The following CSGALNACT1 variants were observed in gnomAD, a reference collection of about 807,000 sequenced individuals.
CSGALNACT1 encodes chondroitin sulfate N-acetylgalactosaminyltransferase 1, also known as beta4GalNAcT-1.
In CSGALNACT1, 52 loss-of-function variants were observed where a neutral mutation model predicts 51.0. The ratio of observed to expected loss-of-function variants is 1.02; its 90% confidence interval spans 0.82 to 1.29. The LOEUF (loss-of-function observed/expected upper bound fraction) is 1.29, where lower values mean the gene tolerates loss of function less well. Among genes scored for constraint, CSGALNACT1 ranks in the 50% most tolerant of loss-of-function variants. The probability of loss-of-function intolerance (pLI) is 0.00; values close to 1 mark genes in which losing one functional copy is unlikely to be tolerated. For synonymous variants in CSGALNACT1, 341 were observed against 254.4 expected, an observed-to-expected ratio of 1.34 and a Z score of -3.24; for missense variants, 935 against 679.2, an observed-to-expected ratio of 1.38 and a Z score of -4.19.
At chr8:19,529,883 A>G (rs141180924) in intron 3 of CSGALNACT1, among the ~76,000 whole-genome samples, 1 of 152,276 alleles carries the variant, frequency 6.6e-6, no homozygotes, top group African/African-American at 2.4e-5. Flanking sequence ...CTATTGTACT[A>G]TTATTTGTAT....
exon 10 of CSGALNACT1, chr8:19,404,650 G>T: frequency 2.2e-6 from 1 of 450,860 alleles, no homozygotes; most frequent in Non-Finnish European, 4.4e-6. Flanking sequence ...TCTTATGGAA[G>T]CCAGAAGCCA....
Position 19,655,465 on chromosome 8 carries a change from A to G in CSGALNACT1, c.-544+27008T>C, listed in dbSNP as rs1300705789. 2.0e-5 allele frequency among the ~76,000 whole-genome samples: 3 copies of G among 152,044 alleles called. No individual in the cohort carries two copies. The East Asian group carries it at 5.8e-4, about 29-fold the overall frequency. The stretch of plus-strand genomic sequence containing the variant: ...AGCCTTGACCTCCTTGGCTCAATCA[A>G]TCCTCCCATCTCAGCCTCCCAAGTA... On this transcript the variant is annotated intron_variant, in intron 1 of 9. Transcript: ENST00000332246.
chr8:19,620,150 T>C (rs1443362147), intron 1 of CSGALNACT1, among the ~76,000 whole-genome samples: 1 of 151,602 alleles, frequency 6.6e-6, no homozygotes. Context: ...CCGTCTCTAC[T>C]AAAAATACAA....
chr8:19,560,301 T>G (rs2040410629), intron 3 of CSGALNACT1, among the ~76,000 whole-genome samples: 1 of 152,214 alleles, frequency 6.6e-6, no homozygotes, highest in African/African-American at 2.4e-5. Context: ...AAAATTTAAT[T>G]TATAAAATAT....
intron 3 of CSGALNACT1, among the ~76,000 whole-genome samples, chr8:19,575,274 C>T (rs2043938984): frequency 1.3e-5 from 2 of 152,200 alleles, no homozygotes; most frequent in Admixed American, 6.5e-5. Context: ...CTGGTTGTCG[C>T]CTTTTCCTCC....
chr8:19,428,710 A>G (rs2059164259), intron 6 of CSGALNACT1, among the ~76,000 whole-genome samples: 2 of 152,094 alleles, frequency 1.3e-5, no homozygotes, highest in East Asian at 1.9e-4. Flanking sequence ...AAACTACTAT[A>G]CAGCAGCACG....
intron 8 of CSGALNACT1, 49 bp downstream of exon 7, chr8:19,418,607 C>A (rs376456531): frequency 1.6e-6 from 2 of 1,223,144 alleles, no homozygotes; most frequent in Non-Finnish European, 2.4e-6. Context: ...CTGGTAATGA[C>A]AGACACTAAA....
intron 3 of CSGALNACT1, among the ~76,000 whole-genome samples, chr8:19,557,886 G>A (rs995237568): frequency 5.3e-5 from 8 of 152,170 alleles, no homozygotes; most frequent in African/African-American, 4.8e-5. Flanking sequence ...CTCACACGTG[G>A]TAGCTTTTCA....
chr8:19,534,723 G>T (rs191837317), intron 3 of CSGALNACT1, among the ~76,000 whole-genome samples: 308 of 152,208 alleles, frequency 2.0e-3, no homozygotes, highest in Non-Finnish European at 3.2e-3. Flanking sequence ...TCTCACACAC[G>T]TCTAAAATGC....
intron 1 of CSGALNACT1, among the ~76,000 whole-genome samples, chr8:19,682,183 G>A (rs1290595189): frequency 6.6e-6 from 1 of 152,096 alleles, no homozygotes; most frequent in Non-Finnish European, 1.5e-5. Flanking sequence ...GCTTGACTTA[G>A]AACTTGGAAA....
exon 4 of CSGALNACT1, chr8:19,505,470 G>T (rs749764372): frequency 2.5e-6 from 4 of 1,614,172 alleles, no homozygotes; most frequent in East Asian, 4.5e-5. Flanking sequence ...GTGCAGGAAG[G>T]CCAGGAGGTC....
intron 1 of CSGALNACT1, among the ~76,000 whole-genome samples, chr8:19,745,327 T>G (rs751076618): frequency 7.2e-5 from 11 of 152,208 alleles, no homozygotes; most frequent in Non-Finnish European, 1.5e-4. Flanking sequence ...TATCTCTCTT[T>G]GGGTACATAC....
intron 3 of CSGALNACT1, among the ~76,000 whole-genome samples, chr8:19,569,564 A>G (rs961837620): frequency 6.6e-6 from 1 of 152,066 alleles, no homozygotes; most frequent in African/African-American, 2.4e-5. Flanking sequence ...TTTTTTTAGC[A>G]TTACGAGTTG....
At chr8:19,468,185 A>G (rs1586678075) in intron 4 of CSGALNACT1, among the ~76,000 whole-genome samples, 2 of 142,292 alleles carry the variant, frequency 1.4e-5, no homozygotes, top group South Asian at 4.5e-4. Context: ...ATGTTTTTTT[A>G]CCAGAACTGA....
intron 4 of CSGALNACT1, among the ~76,000 whole-genome samples, chr8:19,503,803 C>A: frequency 6.7e-6 from 1 of 150,222 alleles, no homozygotes; most frequent in African/African-American, 2.5e-5. Flanking sequence ...TTTAATCTCA[C>A]ACCAAAGATG....
intron 3 of CSGALNACT1, 137 bp from the exon 3 acceptor site, chr8:19,506,267 A>C (rs2077311464): frequency 2.7e-6 from 1 of 366,218 alleles, no homozygotes; most frequent in East Asian, 7.2e-5. Context: ...ATATTGTTAA[A>C]TGTGTATAAA....
intron 3 of CSGALNACT1, among the ~76,000 whole-genome samples, chr8:19,575,801 A>G (rs749765736): frequency 1.3e-5 from 2 of 152,154 alleles, no homozygotes; most frequent in African/African-American, 2.4e-5. Flanking sequence ...ACAAAATAAA[A>G]GTTGCGGAGG....
At chr8:19,555,492 T>C (rs2089493096) in intron 3 of CSGALNACT1, among the ~76,000 whole-genome samples, 2 of 152,154 alleles carry the variant, frequency 1.3e-5, no homozygotes, top group African/African-American at 2.4e-5. Flanking sequence ...GTGCTTCCCA[T>C]AGTACTTTCT....
intron 3 of CSGALNACT1, among the ~76,000 whole-genome samples, chr8:19,514,508 T>TAC (rs2079118656): frequency 7.2e-6 from 1 of 139,364 alleles, no homozygotes; most frequent in East Asian, 2.0e-4. Flanking sequence ...TATATATATA[T>TAC]ATACATGTAT....
Sources: gnomAD v4.1 joint callset for allele counts (sites outside exome capture counted in the v4.1 genomes callset) on GRCh38, gnomAD v4.1.1 for gene constraint, MANE v1.5 for transcripts, NCBI Gene and HGNC (gene_info 2026-07-23, HGNC 2026-07-21) for gene names.